The following ABHD17A variants were observed in gnomAD, a reference collection of about 807,000 sequenced individuals.
The protein encoded by ABHD17A is abhydrolase domain containing 17A, depalmitoylase.
Under a neutral mutation model 26.8 loss-of-function variants are expected in ABHD17A, and 10 were observed. The observed-to-expected ratio is 0.37, with a 90% CI of 0.23 to 0.63. The LOEUF (loss-of-function observed/expected upper bound fraction) is 0.63, where lower values mean the gene tolerates loss of function less well. Ranked by LOEUF, ABHD17A falls within the 30% of genes least tolerant of loss-of-function variation. The probability of loss-of-function intolerance (pLI) is 0.61; values close to 1 mark genes in which losing one functional copy is unlikely to be tolerated. For synonymous variants in ABHD17A, 167 were observed against 210.9 expected, an observed-to-expected ratio of 0.79 and a Z score of 1.80; for missense variants, 292 against 457.3, an observed-to-expected ratio of 0.64 and a Z score of 3.30.
intron 1 of ABHD17A, among the ~76,000 whole-genome samples, chr19:1,885,044 G>A (rs1183256332): frequency 6.6e-6 from 1 of 152,220 alleles, no homozygotes; most frequent in East Asian, 1.9e-4. Context: ...TGTCGGACTG[G>A]GGGCAGTTTC....
intron 2 of ABHD17A, 45 bp downstream of exon 2, chr19:1,881,190 C>T: frequency 6.2e-7 from 1 of 1,607,348 alleles, no homozygotes; most frequent in Non-Finnish European, 8.5e-7. Context: ...AACGGGAGCC[C>T]CAAGAACAGG....
In ABHD17A at chr19:1,881,610, A is replaced by G. The variant is rs2012537174; in HGVS notation, c.-44T>C. ...CGGGCCTCCACCGGGGCCCCCGCCA[A>G]CAACGCCGCCCGGCCTGGCCCGGCA... On this transcript the variant is annotated 5_prime_UTR_variant, in exon 2 of 5. Transcript: ENST00000292577. 8.7e-6 allele frequency: 13 copies of G among 1,489,980 alleles called. No homozygotes were observed. The highest frequency in any genetic ancestry group is 8.9e-6 in the Non-Finnish European group (10 of 1,129,336). 92.3% of individuals were successfully genotyped at this position (1,489,980 alleles called of 1,614,324 possible).
Position 1,877,186 on chromosome 19 carries a change from G to C in ABHD17A, c.*14C>G. On this transcript the variant is annotated 3_prime_UTR_variant, in exon 5 of 5. Transcript: ENST00000292577. ...GCCGCCTTATTGCTGAGGTCCGGCCGGTTGGGGCCGCCGCTAGGCGCGCTG... is the reference window on the plus strand; with the variant it reads ...GCCGCCTTATTGCTGAGGTCCGGCCCGTTGGGGCCGCCGCTAGGCGCGCTG... 7.1e-7 allele frequency: 1 copy of C among 1,417,310 alleles called. No individual in the cohort carries two copies. Among genetic ancestry groups the C allele is most frequent in the Non-Finnish European group, 9.6e-7 (1 of 1,043,544 alleles). 87.8% of individuals were successfully genotyped at this position (1,417,310 alleles called of 1,614,324 possible).
intron 3 of ABHD17A, chr19:1,878,599 G>A (rs2012437685): frequency 6.6e-6 from 1 of 152,564 alleles, no homozygotes; most frequent in African/African-American, 2.4e-5. Flanking sequence ...TCCACCAGCA[G>A]GGCTGTCCCC....
chr19:1,877,943 G>A (rs1473855930), intron 3 of ABHD17A: 7 of 516,030 alleles, frequency 1.4e-5, no homozygotes, highest in African/African-American at 8.1e-5. Context: ...AGGATCTGCA[G>A]GGATCCTGCC....
chr19:1,885,165 C>T (rs1156582220), intron 1 of ABHD17A, among the ~76,000 whole-genome samples, 187 bp downstream of exon 1: 1 of 152,186 alleles, frequency 6.6e-6, no homozygotes, highest in African/African-American at 2.4e-5. Flanking sequence ...TGGATGGGGA[C>T]AGGGCTTTCC....
chr19:1,881,684 C>A lies in ABHD17A; in HGVS notation c.-118G>T. On this transcript the variant is annotated 5_prime_UTR_variant, in exon 2 of 5. Coordinates refer to ENST00000292577, the MANE Select transcript of ABHD17A (RefSeq NM_001130111.2). ...GTCGCGGGCAGGGGGGAGAGCGCCC[C>A]CCCAGCTACCGCCCCAGACAGCAGC... 1.5e-6 allele frequency: 2 copies of A among 1,357,402 alleles called. No homozygotes were observed. The allele number at this position is 1,357,402 out of a possible 1,614,324, so 84.1% of individuals were successfully genotyped here.
At chr19:1,884,587 G>C (rs1420724052) in intron 1 of ABHD17A, among the ~76,000 whole-genome samples, 1 of 152,134 alleles carries the variant, frequency 6.6e-6, no homozygotes, top group Non-Finnish European at 1.5e-5. Flanking sequence ...AACCAGTCAG[G>C]GTGGGAAACC....
intron 1 of ABHD17A, 106 bp from the exon 2 acceptor site, chr19:1,881,910 G>A (rs1263102544): frequency 1.1e-5 from 3 of 271,828 alleles, no homozygotes; most frequent in Middle Eastern, 1.1e-3. Context: ...GCATGGGCCC[G>A]GGGCCTGTCA....
Position 1,877,291 on chromosome 19 carries a change from C to T in ABHD17A, c.842G>A (p.Gly281Asp). ...PKAVEPLWVE[G>D]AGHNDIELYS... Reference sequence around the variant, plus strand: ...GAGCTCGATGTCGTTGTGCCCGGCGCCCTCCACCCACAGCGGCTCCACCGC... The same window carrying T: ...GAGCTCGATGTCGTTGTGCCCGGCGTCCTCCACCCACAGCGGCTCCACCGC... Residue 281 changes from glycine to aspartate, a missense_variant, in exon 5 of 5, where the codon GGC becomes GAC. Transcript: ENST00000292577. 3.9e-6 allele frequency: 6 copies of T among 1,534,096 alleles called. No individual in the cohort carries two copies. Among genetic ancestry groups the T allele is most frequent in the South Asian group, 1.2e-5 (1 of 84,476 alleles).
At chr19:1,882,898 G>A (rs1028983129) in intron 1 of ABHD17A, 1 of 152,122 alleles carries the variant, frequency 6.6e-6, no homozygotes, top group South Asian at 2.1e-4. Flanking sequence ...GAAAACCGTG[G>A]GGCCAGGAAG....
In ABHD17A at chr19:1,877,335, G is replaced by A. The variant is rs1190961525; in HGVS notation, c.798C>T (p.Leu266=). 1 of 1,534,378 alleles carries A rather than the reference G, an allele frequency of 6.5e-7. No homozygotes were observed. The highest frequency in any genetic ancestry group is 8.7e-7 in the Non-Finnish European group (1 of 1,146,682). ...CCACCGCCTTGGGGCAGCGCTCGTA[G>A]AGCGCCAGCCCGTGCGAGAAGTCGA... ...EVIDFSHGLA[L]YERCPKAVEP... The change falls in exon 5 of 5, where the codon CTC becomes CTT. Residue 266 remains leucine (L), a synonymous_variant. Coordinates refer to ENST00000292577, the MANE Select transcript of ABHD17A (RefSeq NM_001130111.2).
rs2012546533 is a variant in ABHD17A, at chr19:1,881,802, G to A, written c.-236C>T. The A allele has an allele frequency of 5.3e-5, 28 of 532,850 alleles. No individual in the cohort carries two copies. The South Asian group carries it at 8.5e-4, about 16-fold the overall frequency. 33.0% of individuals were successfully genotyped at this position (532,850 alleles called of 1,614,324 possible). A position where few individuals can be genotyped will look rare whatever the true frequency, so the allele number is the denominator to read the frequency against. On this transcript the variant is annotated splice_region_variant and 5_prime_UTR_variant, in exon 2 of 5. Coordinates refer to ENST00000292577, the MANE Select transcript of ABHD17A (RefSeq NM_001130111.2). ...AGGTCTCCATGTCGTGCCGTGGGAA[G>A]CCCTGCGGGGGAACAGTGACATGTG...
chr19:1,880,182 G>GCGT lies in ABHD17A; in HGVS notation c.333-70_333-68dup, dbSNP rs2012484298. On this transcript the variant is annotated intron_variant, in intron 2 of 4. Transcript: ENST00000292577. This position sits in a 1 kb window ranked among gnomAD's most constrained non-coding sequence, Gnocchi z 4.1. ...GCGCCCAGCTGCAGGGCAGGAGGAT[G>GCGT]CGTAGTGACAGCCCACCCCGGTGGC... is the stretch of plus-strand genomic sequence containing the variant. 6.4e-7 allele frequency: 1 copy of GCGT among 1,562,314 alleles called. No individual in the cohort carries two copies. The highest frequency in any genetic ancestry group is 1.8e-5 in the Admixed American group (1 of 56,520).
rs1321681727 is a variant in ABHD17A at position 1,877,039 on chromosome 19, G to C, written c.*161C>G. 1.5e-5 allele frequency: 9 copies of C among 591,132 alleles called. No individual in the cohort carries two copies. Among genetic ancestry groups the C allele is most frequent in the Non-Finnish European group, 2.4e-5 (8 of 332,000 alleles). 36.6% of individuals were successfully genotyped at this position (591,132 alleles called of 1,614,324 possible). A position where few individuals can be genotyped will look rare whatever the true frequency, so the allele number is the denominator to read the frequency against. ...TCTTCTTGCTTCCAAAAGGAAAGGA[G>C]TGCGTAGCTCTGTTGCCTGTACATC... On this transcript the variant is annotated 3_prime_UTR_variant, in exon 5 of 5. Coordinates refer to ENST00000292577, the MANE Select transcript of ABHD17A (RefSeq NM_001130111.2).
rs4806816 is a variant in ABHD17A at position 1,876,876 on chromosome 19, C to T, written c.*324G>A. On this transcript the variant is annotated 3_prime_UTR_variant, in exon 5 of 5. Transcript: ENST00000292577. ...ATAAGGGGGTCCGTGCCGATCTCTC[C>T]TAGGGACTCAGGGACGAAACCTGGG... 2 of 402,036 alleles carry T rather than the reference C, an allele frequency of 5.0e-6. No individual in the cohort carries two copies. Among genetic ancestry groups the T allele is most frequent in the Admixed American group, 8.2e-5 (2 of 24,456 alleles). 24.9% of individuals were successfully genotyped at this position (402,036 alleles called of 1,614,324 possible).
chr19:1,877,029 A>G lies in ABHD17A; in HGVS notation c.*171T>C. The G allele has an allele frequency of 8.6e-6, 5 of 583,488 alleles. No individual in the cohort carries two copies. The highest frequency in any genetic ancestry group is 1.5e-5 in the Non-Finnish European group (5 of 328,560). The allele number at this position is 583,488 out of a possible 1,614,324, so 36.1% of individuals were successfully genotyped here. On this transcript the variant is annotated 3_prime_UTR_variant, in exon 5 of 5. Transcript: ENST00000292577. ...TCACGTATTTTCTTCTTGCTTCCAA[A>G]AGGAAAGGAGTGCGTAGCTCTGTTG... is the stretch of plus-strand genomic sequence containing the variant.
At position 1,885,445 on chromosome 19, in the gene ABHD17A, G is replaced by C. The variant is rs1454382598; in HGVS notation, c.-332C>G. 1 of 152,536 alleles carries C rather than the reference G, an allele frequency of 6.6e-6. No homozygotes were observed. The highest frequency in any genetic ancestry group is 2.4e-5 in the African/African-American group (1 of 41,552). 9.4% of individuals were successfully genotyped at this position (152,536 alleles called of 1,614,324 possible). A position where few individuals can be genotyped will look rare whatever the true frequency, so the allele number is the denominator to read the frequency against. ...GTCGGTCCCTCCGCACCCCTGCCCGGCCTCCTGCACCGCCACCGCCGCAGC... is the reference window on the plus strand; with the variant it reads ...GTCGGTCCCTCCGCACCCCTGCCCGCCCTCCTGCACCGCCACCGCCGCAGC... On this transcript the variant is annotated 5_prime_UTR_variant, in exon 1 of 5. Transcript: ENST00000292577.
At chr19:1,877,480 C>T in intron 4 of ABHD17A, 28 bp downstream of exon 4, 2 of 1,582,538 alleles carry the variant, frequency 1.3e-6, no homozygotes, top group Non-Finnish European at 1.7e-6. Flanking sequence ...GGCCCCGCCC[C>T]GCCCCCGTCC....
Sources: allele counts gnomAD v4.1 joint callset (sites outside exome capture counted in the v4.1 genomes callset), GRCh38; gene constraint gnomAD v4.1.1; non-coding constraint Gnocchi (gnomAD v3.1); transcripts MANE v1.5; gene names NCBI Gene and HGNC (gene_info 2026-07-23, HGNC 2026-07-21).